The following RPH3A variants were observed in gnomAD, a reference collection of about 807,000 sequenced individuals.
RPH3A encodes rabphilin 3A, also known as rabphilin-3A.
Under a neutral mutation model 102.2 loss-of-function variants are expected in RPH3A, and 48 were observed. The observed-to-expected ratio is 0.47, with a 90% CI of 0.37 to 0.60. RPH3A has a LOEUF of 0.60. Ranked by LOEUF, RPH3A falls within the 20% of genes least tolerant of loss-of-function variation. The pLI is 0.00. For missense variants in RPH3A, 781 were observed against 910.1 expected, an observed-to-expected ratio of 0.86 and a Z score of 1.83; for synonymous variants, 310 against 324.3, an observed-to-expected ratio of 0.96 and a Z score of 0.47.
chr12:112,837,866 C>G, intron 4 of RPH3A: 5 of 431,538 alleles, frequency 1.2e-5, no homozygotes, highest in South Asian at 6.4e-5. Context: ...TCCCCTCCTT[C>G]CCTCCCTCCT....
At chr12:112,801,901 A>C (rs1036569233) in intron 2 of RPH3A, among the ~76,000 whole-genome samples, 1 of 152,068 alleles carries the variant, frequency 6.6e-6, no homozygotes, top group Non-Finnish European at 1.5e-5. Context: ...ATAGGTTCTC[A>C]CTTCTTTTCC....
In RPH3A at chr12:112,669,681, G is replaced by A. The variant is rs537146911; in HGVS notation, c.-140+94362G>A. On this transcript the variant is annotated intron_variant, in intron 1 of 21. Transcript: ENST00000543106. ...CATATTTTCTAGAGCATACACACAT[G>A]TGATCAACATTCATGATTTACATAA... 7.2e-5 allele frequency among the ~76,000 whole-genome samples: 11 copies of A among 152,292 alleles called. No individual in the cohort carries two copies. In the South Asian group the frequency reaches 1.9e-3, roughly 26 times the overall value.
chr12:112,735,128 C>T (rs558659852), intron 1 of RPH3A, among the ~76,000 whole-genome samples: 16 of 152,214 alleles, frequency 1.1e-4, no homozygotes, highest in Non-Finnish European at 1.8e-4. Flanking sequence ...ATTTGCAGTC[C>T]TGGGTGTCAC....
intron 1 of RPH3A, among the ~76,000 whole-genome samples, chr12:112,678,007 A>G (rs2040193613): frequency 6.6e-6 from 1 of 151,818 alleles, no homozygotes; most frequent in South Asian, 2.1e-4. Flanking sequence ...CCTGGCCAAC[A>G]TGGTGAAACC....
At chr12:112,666,726 G>T (rs1397378956) in intron 1 of RPH3A, among the ~76,000 whole-genome samples, 1 of 152,114 alleles carries the variant, frequency 6.6e-6, no homozygotes, top group Non-Finnish European at 1.5e-5. Context: ...GAGGTAAAAT[G>T]GGGAAAGGGA....
chr12:112,752,224 G>T (rs1011966), intron 1 of RPH3A, among the ~76,000 whole-genome samples: 118,223 of 152,178 alleles, frequency 0.78, 46,908 homozygotes, highest in African/African-American at 0.93. Flanking sequence ...ATGCCCCTCA[G>T]TTTTCTAAAT....
Position 112,847,832 on chromosome 12 carries a change from G to C in RPH3A, c.220G>C (p.Glu74Gln). Residue 74 changes from glutamate to glutamine, a missense_variant, in exon 5 of 22, where the codon GAG (glutamate) becomes CAG (glutamine). Transcript: ENST00000389385. ...TGAGAAAATGGAAGAGATGGAGCAG[G>C]AGCGAATCGGGTGAGGCTTAACGCT... ...RAEKMEEMEQ[E>Q]RIGRLVDRLE... 6.2e-7 allele frequency: 1 copy of C among 1,614,124 alleles called. No individual in the cohort carries two copies. The highest frequency in any genetic ancestry group is 1.1e-5 in the South Asian group (1 of 91,066).
chr12:112,774,054 C>A (rs1592991704), intron 1 of RPH3A, among the ~76,000 whole-genome samples: 1 of 72,816 alleles, frequency 1.4e-5, no homozygotes, highest in African/African-American at 9.2e-5. Context: ...CACTGCACTC[C>A]AGCCTGGGCA....
In RPH3A at chr12:112,748,829, C is replaced by T. The variant is rs193096058; in HGVS notation, c.-139-43314C>T. Among the ~76,000 whole-genome samples the T allele has an allele frequency of 1.4e-4, 22 of 152,138 alleles. 1 individual carries two copies. The East Asian group carries it at 3.1e-3, about 21-fold the overall frequency. On this transcript the variant is annotated intron_variant, in intron 1 of 21. Transcript: ENST00000543106. ...TGTTGACACACTGTGCCAGAGGCTA[C>T]GAACTGATATTTTGGGAGATGACAT...
At chr12:112,661,917 T>C (rs1177420655) in intron 1 of RPH3A, among the ~76,000 whole-genome samples, 1 of 152,178 alleles carries the variant, frequency 6.6e-6, no homozygotes, top group African/African-American at 2.4e-5. Flanking sequence ...CCATCGCAGC[T>C]GCACCTGAGG....
intron 1 of RPH3A, among the ~76,000 whole-genome samples, chr12:112,718,449 A>G (rs1346861829): frequency 6.6e-6 from 1 of 151,824 alleles, no homozygotes; most frequent in Non-Finnish European, 1.5e-5. Context: ...TGATTCCCAA[A>G]TGGGGGATGG....
At chr12:112,780,282 AG>A (rs768086041) in intron 1 of RPH3A, among the ~76,000 whole-genome samples, 14 of 152,082 alleles carry the variant, frequency 9.2e-5, no homozygotes, top group Non-Finnish European at 1.8e-4. Flanking sequence ...TTGGGCTTCT[AG>A]TGTAGCCATC....
At position 112,875,181 on chromosome 12, in the gene RPH3A, C is replaced by T; in HGVS notation, c.883+11C>T. Reference sequence around the variant, plus strand: ...AGCCTGGGCAGCCAGGTACCTGCCACTCACCTGCTAGCACCTGCCCAGGCT... The same window carrying T: ...AGCCTGGGCAGCCAGGTACCTGCCATTCACCTGCTAGCACCTGCCCAGGCT... On this transcript the variant is annotated intron_variant, in intron 11 of 21. Transcript: ENST00000389385. 7 of 1,592,020 alleles carry T rather than the reference C, an allele frequency of 4.4e-6. No homozygotes were observed. In the South Asian group the frequency reaches 8.0e-5, roughly 18 times the overall value.
At chr12:112,886,790 C>G (rs984664918) in intron 16 of RPH3A, among the ~76,000 whole-genome samples, 1 of 152,112 alleles carries the variant, frequency 6.6e-6, no homozygotes. Flanking sequence ...TTTCTGGGCC[C>G]CAGTATCTTC....
At chr12:112,892,565 C>T (rs570078085) in intron 19 of RPH3A, among the ~76,000 whole-genome samples, 2 of 152,282 alleles carry the variant, frequency 1.3e-5, no homozygotes, top group South Asian at 2.1e-4. Context: ...TCCCTGCTAG[C>T]GTCAGTTATT....
At chr12:112,826,333 GGCT>G (rs2041872270) in intron 2 of RPH3A, among the ~76,000 whole-genome samples, 1 of 152,172 alleles carries the variant, frequency 6.6e-6, no homozygotes, top group Non-Finnish European at 1.5e-5. Flanking sequence ...AAGAGAAGGA[GGCT>G]GCAGGGAGCC....
Position 112,732,236 on chromosome 12 carries a change from C to T in RPH3A, c.-139-59907C>T, listed in dbSNP as rs981190033. Among the ~76,000 whole-genome samples the T allele has an allele frequency of 3.3e-5, 5 of 152,134 alleles. No individual in the cohort carries two copies. The East Asian group carries it at 5.8e-4, about 18-fold the overall frequency. On this transcript the variant is annotated intron_variant, in intron 1 of 21. Transcript: ENST00000543106. The stretch of plus-strand genomic sequence containing the variant: ...GGGGTGTCAGGCCACTCTCTATTAC[C>T]TTGGCTACTTCTGAGAGCTGGACTC...
chr12:112,830,795 T>C (rs73427037), intron 3 of RPH3A, among the ~76,000 whole-genome samples: 18,949 of 147,486 alleles, frequency 0.13, 1,651 homozygotes, highest in African/African-American at 0.24. Context: ...CTTTCTTTAG[T>C]TTTTTTTTTA....
intron 1 of RPH3A, among the ~76,000 whole-genome samples, chr12:112,681,043 G>C (rs2040222903): frequency 6.6e-6 from 1 of 152,144 alleles, no homozygotes; most frequent in Non-Finnish European, 1.5e-5. Flanking sequence ...AGAGGAGAAA[G>C]AGGCTCTGCT....
Sources: gnomAD v4.1 joint callset for allele counts (sites outside exome capture counted in the v4.1 genomes callset) on GRCh38, gnomAD v4.1.1 for gene constraint, MANE v1.5 for transcripts, NCBI Gene and HGNC (gene_info 2026-07-23, HGNC 2026-07-21) for gene names.